NOX4: variants seen among roughly 807,000 people sequenced by gnomAD.
NOX4 encodes NADPH oxidase 4.
A neutral mutation model predicts 87.6 loss-of-function variants in NOX4; 69 were observed. That is an observed-to-expected ratio of 0.79 (90% CI 0.65 to 0.96). NOX4 has a LOEUF of 0.96. Ranked by LOEUF, NOX4 falls within the 40% of genes least tolerant of loss-of-function variation. The pLI, the probability that NOX4 is intolerant of heterozygous loss-of-function variation, is 0.00. For missense variants in NOX4, 680 were observed against 681.5 expected, an observed-to-expected ratio of 1.00 and a Z score of 0.02; for synonymous variants, 275 against 238.2, an observed-to-expected ratio of 1.15 and a Z score of -1.42.
At chr11:89,356,480 A>C (rs1368348936) in intron 12 of NOX4, among the ~76,000 whole-genome samples, 1 of 152,150 alleles carries the variant, frequency 6.6e-6, no homozygotes, top group Non-Finnish European at 1.5e-5. Flanking sequence ...GGAAATACTT[A>C]CGTTGCATAG....
chr11:89,341,374 C>T (rs1227866629), intron 14 of NOX4, among the ~76,000 whole-genome samples: 2 of 152,096 alleles, frequency 1.3e-5, no homozygotes, highest in Admixed American at 6.5e-5. Context: ...CCACCCACCT[C>T]GGCCTCCCAC....
At chr11:89,431,452 C>G (rs1442806514) in intron 7 of NOX4, among the ~76,000 whole-genome samples, 1 of 151,968 alleles carries the variant, frequency 6.6e-6, no homozygotes, top group Non-Finnish European at 1.5e-5. Flanking sequence ...TGCAGTCTAC[C>G]TATCTGACAA....
the NOX4 span, among the ~76,000 whole-genome samples, chr11:89,572,378 G>A: frequency 2.6e-5 from 4 of 152,110 alleles, no homozygotes; most frequent in Admixed American, 2.6e-4. Context: ...TCGACCTCTA[G>A]CTCAACTAAA....
intron 11 of NOX4, among the ~76,000 whole-genome samples, chr11:89,394,951 C>T (rs867185106): frequency 2.0e-5 from 3 of 152,062 alleles, no homozygotes; most frequent in South Asian, 2.1e-4. Flanking sequence ...TGAATAGTGC[C>T]GCAATAAACA....
At chr11:89,415,293 T>C (rs1389406076) in intron 8 of NOX4, among the ~76,000 whole-genome samples, 2 of 152,054 alleles carry the variant, frequency 1.3e-5, no homozygotes, top group Non-Finnish European at 2.9e-5. Context: ...AGTTGTTAAG[T>C]TGTTCATTAT....
the NOX4 span, among the ~76,000 whole-genome samples, chr11:89,512,026 A>T: frequency 1.7e-4 from 26 of 152,130 alleles, 1 homozygote; most frequent in Admixed American, 1.0e-3. Context: ...TCAATAGAAA[A>T]TTTTTATTTG....
At chr11:89,517,064 G>A in the NOX4 span, among the ~76,000 whole-genome samples, 13 of 151,810 alleles carry the variant, frequency 8.6e-5, no homozygotes, top group African/African-American at 2.2e-4. Flanking sequence ...GGTTCAATGC[G>A]TAATTGAAAT....
intron 8 of NOX4, among the ~76,000 whole-genome samples, chr11:89,406,627 A>T (rs185302070): frequency 6.8e-4 from 104 of 152,262 alleles, no homozygotes; most frequent in Non-Finnish European, 1.3e-3. Flanking sequence ...TTTCTGTGAT[A>T]GTGGAAATGG....
At chr11:89,532,776 G>A in the NOX4 span, among the ~76,000 whole-genome samples, 1 of 152,248 alleles carries the variant, frequency 6.6e-6, no homozygotes, top group East Asian at 1.9e-4. Flanking sequence ...GTTGACGGAT[G>A]GACCTGGTGG....
intron 8 of NOX4, among the ~76,000 whole-genome samples, chr11:89,416,842 C>T (rs958672256): frequency 6.6e-6 from 1 of 152,130 alleles, no homozygotes; most frequent in Non-Finnish European, 1.5e-5. Context: ...TTAACTCTTG[C>T]TAACAAGTAG....
At chr11:89,458,733 G>C (rs1482290941) in intron 2 of NOX4, among the ~76,000 whole-genome samples, 1 of 152,046 alleles carries the variant, frequency 6.6e-6, no homozygotes, top group Non-Finnish European at 1.5e-5. Flanking sequence ...TTAGAGAAAT[G>C]CAAATCAAAA....
the NOX4 span, among the ~76,000 whole-genome samples, chr11:89,536,303 T>C: frequency 1.3e-4 from 19 of 151,822 alleles, no homozygotes; most frequent in South Asian, 2.1e-4. Flanking sequence ...CCCGCCACCA[T>C]GCCCGGGTAA....
the NOX4 span, among the ~76,000 whole-genome samples, chr11:89,530,734 C>T: frequency 6.6e-6 from 1 of 152,024 alleles, no homozygotes; most frequent in Non-Finnish European, 1.5e-5. Flanking sequence ...CCTTCCTGGC[C>T]AGAGTTAATT....
the NOX4 span, among the ~76,000 whole-genome samples, chr11:89,504,400 C>A: frequency 1.3e-5 from 2 of 151,832 alleles, no homozygotes; most frequent in African/African-American, 2.4e-5. Flanking sequence ...AGTAGGGATG[C>A]AATGTTATCA....
In NOX4 at chr11:89,391,941, C is replaced by A. The variant is rs1438426677; in HGVS notation, c.1074+8076G>T. On this transcript the variant is annotated intron_variant, in intron 11 of 17. Transcript: ENST00000263317. Reference sequence around the variant, plus strand: ...CCTTTTCCCTTCCCCTTCCCCTTCCCCTTCCCCTTCTCCTTCCTTCCTTCC... The same window carrying A: ...CCTTTTCCCTTCCCCTTCCCCTTCCACTTCCCCTTCTCCTTCCTTCCTTCC... Among the ~76,000 whole-genome samples, 6 of 149,688 alleles carry A rather than the reference C, an allele frequency of 4.0e-5. No homozygotes were observed. The East Asian group carries it at 1.0e-3, about 25-fold the overall frequency.
At chr11:89,513,423 T>A in the NOX4 span, among the ~76,000 whole-genome samples, 1 of 151,542 alleles carries the variant, frequency 6.6e-6, no homozygotes, top group Non-Finnish European at 1.5e-5. Context: ...GAAAACCAAA[T>A]AACAAAAATC....
rs556998316 is a variant in NOX4, at chr11:89,390,376, A to G, written c.1074+9641T>C. Among the ~76,000 whole-genome samples the G allele has an allele frequency of 2.1e-4, 32 of 152,344 alleles. No homozygotes were observed. The South Asian group carries it at 2.3e-3, about 11-fold the overall frequency. ...GCTATAAACCACTTCCTAAGCCTAC[A>G]TGATAAACAGATGGTCTGATAAAAA... On this transcript the variant is annotated intron_variant, in intron 11 of 17. Coordinates refer to ENST00000263317, the MANE Select transcript of NOX4 (RefSeq NM_016931.5).
intron 2 of NOX4, among the ~76,000 whole-genome samples, chr11:89,455,470 C>T (rs1945150175): frequency 6.6e-6 from 1 of 152,066 alleles, no homozygotes; most frequent in Admixed American, 6.6e-5. Flanking sequence ...TCAGCCCTAA[C>T]ACAGTGGTAG....
Position 89,491,258 on chromosome 11 carries a change from C to A in NOX4, c.-12G>T, listed in dbSNP as rs369834428. ...CAGGACACAGCCATGCCGCCGGCCC[C>A]GCCGCGCTGCGCTCTGTGCCCGCCG... On this transcript the variant is annotated 5_prime_UTR_variant, in exon 1 of 18. Coordinates refer to ENST00000263317, the MANE Select transcript of NOX4 (RefSeq NM_016931.5). 1.9e-6 allele frequency: 3 copies of A among 1,611,772 alleles called. No homozygotes were observed. In the South Asian group the frequency reaches 3.3e-5, roughly 18 times the overall value.
Sources: allele counts gnomAD v4.1 joint callset (sites outside exome capture counted in the v4.1 genomes callset), GRCh38; gene constraint gnomAD v4.1.1; transcripts MANE v1.5; gene names NCBI Gene and HGNC (gene_info 2026-07-23, HGNC 2026-07-21).